The following CCSER1 variants were observed in gnomAD, a reference collection of about 807,000 sequenced individuals.
The protein encoded by CCSER1 is coiled-coil serine rich protein 1.
CCSER1 carries 41 observed loss-of-function variants against 82.0 expected under a neutral mutation model. The ratio of observed to expected loss-of-function variants is 0.50; its 90% CI spans 0.39 to 0.65. The LOEUF (loss-of-function observed/expected upper bound fraction) is 0.65, where lower values mean the gene tolerates loss of function less well. Ranked by LOEUF, CCSER1 falls within the 30% of genes least tolerant of loss-of-function variation. CCSER1 has a pLI of 0.00. For missense variants in CCSER1, 1,119 were observed against 1,064.2 expected (o/e 1.05, Z -0.72); for synonymous variants, 414 against 383.9 (o/e 1.08, Z -0.92).
chr4:90,739,600 G>C (rs1446427759), intron 7 of CCSER1, among the ~76,000 whole-genome samples: 1 of 152,176 alleles, frequency 6.6e-6, no homozygotes, highest in East Asian at 1.9e-4. Flanking sequence ...AAGCTCTTTA[G>C]CCTGTGGTAG....
At chr4:90,169,059 C>G (rs185520704) in intron 1 of CCSER1, among the ~76,000 whole-genome samples, 1 of 151,870 alleles carries the variant, frequency 6.6e-6, no homozygotes, top group African/African-American at 2.4e-5. Context: ...CTGTAAATTA[C>G]CTTGGGCAGT....
At chr4:91,389,432 A>G (rs986406832) in intron 10 of CCSER1, among the ~76,000 whole-genome samples, 1 of 151,768 alleles carries the variant, frequency 6.6e-6, no homozygotes, top group South Asian at 2.1e-4. Context: ...TCCATTACCT[A>G]TTTGCTTATT....
At chr4:91,461,578 C>T (rs138692268) in intron 10 of CCSER1, among the ~76,000 whole-genome samples, 1 of 152,264 alleles carries the variant, frequency 6.6e-6, no homozygotes, top group Non-Finnish European at 1.5e-5. Flanking sequence ...AGGTTCCTGA[C>T]CACCAGCCCT....
At chr4:90,696,020 A>C (rs2149255728) in intron 6 of CCSER1, among the ~76,000 whole-genome samples, 1 of 152,258 alleles carries the variant, frequency 6.6e-6, no homozygotes, top group Admixed American at 6.6e-5. Flanking sequence ...TCTTGAAATA[A>C]ATACTTTTAT....
chr4:90,399,190 CT>C (rs1281165768), intron 3 of CCSER1, among the ~76,000 whole-genome samples: 1 of 151,990 alleles, frequency 6.6e-6, no homozygotes, highest in Non-Finnish European at 1.5e-5. Flanking sequence ...CAAATCAGGA[CT>C]TTATTCCTTC....
At chr4:90,583,110 A>G (rs1781595966) in intron 5 of CCSER1, among the ~76,000 whole-genome samples, 1 of 152,018 alleles carries the variant, frequency 6.6e-6, no homozygotes, top group African/African-American at 2.4e-5. Flanking sequence ...CTTCTACTCA[A>G]TGGTTTTGTG....
chr4:91,109,098 C>T (rs1164609819), intron 10 of CCSER1, among the ~76,000 whole-genome samples: 3 of 152,156 alleles, frequency 2.0e-5, no homozygotes, highest in Non-Finnish European at 4.4e-5. Context: ...TAGCAACACC[C>T]CCACCCCATT....
intron 9 of CCSER1, among the ~76,000 whole-genome samples, chr4:90,993,166 C>A (rs1184421805): frequency 6.6e-6 from 1 of 152,066 alleles, no homozygotes; most frequent in East Asian, 1.9e-4. Flanking sequence ...AGTCAACTTT[C>A]TTTTGATATT....
At chr4:91,258,741 C>T (rs538352336) in intron 10 of CCSER1, among the ~76,000 whole-genome samples, 6 of 151,920 alleles carry the variant, frequency 3.9e-5, no homozygotes, top group Non-Finnish European at 8.8e-5. Context: ...AAAATAAATC[C>T]ATTATGCTTA....
At chr4:91,214,917 A>T (rs1737125355) in intron 10 of CCSER1, among the ~76,000 whole-genome samples, 2 of 152,226 alleles carry the variant, frequency 1.3e-5, no homozygotes, top group South Asian at 2.1e-4. Flanking sequence ...GTATAATATG[A>T]TGGAAATTTA....
intron 8 of CCSER1, among the ~76,000 whole-genome samples, chr4:90,909,901 T>A (rs1430654822): frequency 2.0e-5 from 3 of 152,188 alleles, no homozygotes; most frequent in African/African-American, 7.2e-5. Context: ...AAATCATAAT[T>A]CAACTCACAT....
At chr4:90,337,676 G>C (rs1740666173) in intron 3 of CCSER1, among the ~76,000 whole-genome samples, 1 of 151,466 alleles carries the variant, frequency 6.6e-6, no homozygotes, top group African/African-American at 2.4e-5. Context: ...GGATCAAAAA[G>C]AATGTTGGTT....
intron 10 of CCSER1, among the ~76,000 whole-genome samples, chr4:91,109,172 A>G (rs1725881126): frequency 6.6e-6 from 1 of 152,056 alleles, no homozygotes; most frequent in African/African-American, 2.4e-5. Context: ...AGGCCTTTGG[A>G]CTAGGACTGA....
chr4:91,432,600 AT>A (rs1477780207), intron 10 of CCSER1, among the ~76,000 whole-genome samples: 3 of 152,140 alleles, frequency 2.0e-5, no homozygotes, highest in Non-Finnish European at 4.4e-5. Flanking sequence ...GGTGAAAAAA[AT>A]ATCTCTATGT....
intron 5 of CCSER1, among the ~76,000 whole-genome samples, chr4:90,495,348 A>T (rs1285077556): frequency 6.6e-6 from 1 of 152,136 alleles, no homozygotes; most frequent in Non-Finnish European, 1.5e-5. Context: ...CATTAACATG[A>T]CCATTGTTAA....
intron 8 of CCSER1, among the ~76,000 whole-genome samples, chr4:90,883,137 G>C (rs1017476601): frequency 2.6e-5 from 4 of 151,872 alleles, no homozygotes; most frequent in African/African-American, 9.7e-5. Context: ...TGAACTCATA[G>C]TCATAGCACC....
chr4:91,113,780 T>G (rs1219234525), intron 10 of CCSER1, among the ~76,000 whole-genome samples: 4 of 152,176 alleles, frequency 2.6e-5, no homozygotes, highest in Non-Finnish European at 5.9e-5. Flanking sequence ...AATATAGATT[T>G]TGAAAAGGAG....
At chr4:90,931,517 A>G (rs1178973569) in intron 9 of CCSER1, among the ~76,000 whole-genome samples, 2 of 152,208 alleles carry the variant, frequency 1.3e-5, no homozygotes, top group Admixed American at 6.5e-5. Flanking sequence ...TCATAAACCC[A>G]TATACCTTCT....
intron 9 of CCSER1, among the ~76,000 whole-genome samples, chr4:90,984,672 A>G (rs551691269): frequency 6.6e-6 from 1 of 151,718 alleles, no homozygotes; most frequent in Admixed American, 6.6e-5. Flanking sequence ...TAAGAGGGGG[A>G]AAAATTGAAA....
Sources: gnomAD v4.1 joint callset for allele counts (sites outside exome capture counted in the v4.1 genomes callset) on GRCh38, gnomAD v4.1.1 for gene constraint, MANE v1.5 for transcripts, NCBI Gene and HGNC (gene_info 2026-07-23, HGNC 2026-07-21) for gene names.